The following PTPRD variants were observed in gnomAD, a reference collection of about 807,000 sequenced individuals.
PTPRD encodes protein tyrosine phosphatase receptor type D.
A neutral mutation model predicts 214.5 loss-of-function variants in PTPRD; 34 were observed. That is an observed-to-expected ratio of 0.16 (90% CI 0.12 to 0.21). PTPRD has a LOEUF of 0.21. Among genes scored for constraint, PTPRD ranks in the 10% least tolerant of loss-of-function variants. The pLI, the probability that PTPRD is intolerant of heterozygous loss-of-function variation, is 1.00. For missense variants in PTPRD, 2,545 were observed against 2,398.7 expected, an observed-to-expected ratio of 1.06 and a Z score of -1.27; for synonymous variants, 1,128 against 845.7, an observed-to-expected ratio of 1.33 and a Z score of -5.79.
At chr9:10,203,481 G>C (rs55723104) in intron 3 of PTPRD, among the ~76,000 whole-genome samples, 1 of 152,062 alleles carries the variant, frequency 6.6e-6, no homozygotes, top group African/African-American at 2.4e-5. Context: ...TTTTGAAGCA[G>C]AAACTTGAAT....
At chr9:9,298,704 C>A (rs951275887) in intron 9 of PTPRD, among the ~76,000 whole-genome samples, 23 of 151,582 alleles carry the variant, frequency 1.5e-4, no homozygotes. Context: ...GAAGAAAATT[C>A]CCTTAGCAAT....
chr9:10,611,760 C>G (rs1046408115), intron 2 of PTPRD, among the ~76,000 whole-genome samples: 1 of 152,176 alleles, frequency 6.6e-6, no homozygotes, highest in Admixed American at 6.5e-5. Flanking sequence ...TTCACATTCT[C>G]TCTCCAAATT....
At chr9:9,622,755 G>A (rs2154353842) in intron 7 of PTPRD, among the ~76,000 whole-genome samples, 1 of 152,256 alleles carries the variant, frequency 6.6e-6, no homozygotes. Flanking sequence ...ACCCAACAAT[G>A]GCATACATTT....
chr9:9,519,905 G>C (rs893668081), intron 8 of PTPRD, among the ~76,000 whole-genome samples: 7 of 151,994 alleles, frequency 4.6e-5, no homozygotes, highest in African/African-American at 1.7e-4. Flanking sequence ...CTCCACTGAT[G>C]ATCACATCTT....
Position 9,902,033 on chromosome 9 carries a change from C to T in PTPRD, c.-368+36474G>A, listed in dbSNP as rs115221334. ...ATATGAACTCTTTGAAATCAGACTT[C>T]CTAAAATTTAGCTAATAGGTCTGGT... On this transcript the variant is annotated intron_variant, in intron 5 of 45. Coordinates refer to ENST00000381196, the MANE Select transcript of PTPRD (RefSeq NM_002839.4). Among the ~76,000 whole-genome samples, 680 of 152,286 alleles carry T rather than the reference C, an allele frequency of 4.5e-3. 2 individuals carry two copies. Among genetic ancestry groups the T allele is most frequent in the African/African-American group, 0.015 (636 of 41,554 alleles).
At chr9:8,447,274 T>G (rs1475917969) in intron 34 of PTPRD, among the ~76,000 whole-genome samples, 1 of 152,220 alleles carries the variant, frequency 6.6e-6, no homozygotes, top group Non-Finnish European at 1.5e-5. Flanking sequence ...CTTTATTCCC[T>G]TATTCATTTG....
At chr9:9,020,669 C>G (rs551180292) in intron 10 of PTPRD, among the ~76,000 whole-genome samples, 10 of 152,186 alleles carry the variant, frequency 6.6e-5, no homozygotes, top group South Asian at 2.1e-4. Context: ...ATTTGAAATG[C>G]CTGTGAGACA....
At chr9:9,728,023 T>A (rs1047824107) in intron 7 of PTPRD, among the ~76,000 whole-genome samples, 6 of 152,118 alleles carry the variant, frequency 3.9e-5, no homozygotes, top group Non-Finnish European at 7.4e-5. Flanking sequence ...GGGGGCAGTT[T>A]CCCCCATACA....
At chr9:8,430,605 C>T (rs1373804636) in intron 35 of PTPRD, among the ~76,000 whole-genome samples, 1 of 152,014 alleles carries the variant, frequency 6.6e-6, no homozygotes, top group African/African-American at 2.4e-5. Flanking sequence ...ACAAAGACAT[C>T]ATCAATATCT....
At chr9:9,621,483 C>T (rs2095236182) in intron 7 of PTPRD, among the ~76,000 whole-genome samples, 1 of 152,140 alleles carries the variant, frequency 6.6e-6, no homozygotes, top group Non-Finnish European at 1.5e-5. Flanking sequence ...GAGTCAGACT[C>T]TGGAATAAAT....
intron 3 of PTPRD, among the ~76,000 whole-genome samples, chr9:10,121,363 T>C (rs988663343): frequency 1.3e-5 from 2 of 152,192 alleles, no homozygotes; most frequent in Non-Finnish European, 2.9e-5. Flanking sequence ...TATTTCCTAA[T>C]TACATTTTGC....
chr9:9,301,686 T>C (rs997802467), intron 9 of PTPRD, among the ~76,000 whole-genome samples: 4 of 151,892 alleles, frequency 2.6e-5, no homozygotes, highest in Non-Finnish European at 5.9e-5. Flanking sequence ...CATTGAGAAA[T>C]AGGGATTACT....
At chr9:9,222,406 AG>A (rs756471051) in intron 9 of PTPRD, among the ~76,000 whole-genome samples, 1 of 152,066 alleles carries the variant, frequency 6.6e-6, no homozygotes, top group Non-Finnish European at 1.5e-5. Context: ...TCTAGAACAC[AG>A]GGAGTGCGAC....
At chr9:8,698,692 T>C (rs555972954) in intron 12 of PTPRD, among the ~76,000 whole-genome samples, 1 of 152,182 alleles carries the variant, frequency 6.6e-6, no homozygotes, top group Non-Finnish European at 1.5e-5. Context: ...TGAAACTGCC[T>C]GAAAACTGTC....
chr9:9,712,714 G>A (rs932563495), intron 7 of PTPRD, among the ~76,000 whole-genome samples: 6 of 151,972 alleles, frequency 3.9e-5, no homozygotes, highest in African/African-American at 1.5e-4. Flanking sequence ...TTTATCCATT[G>A]GTCTCAGAAT....
intron 3 of PTPRD, among the ~76,000 whole-genome samples, chr9:10,081,002 A>G (rs1390431048): frequency 6.6e-6 from 1 of 152,104 alleles, no homozygotes; most frequent in East Asian, 1.9e-4. Context: ...ACATCATTTG[A>G]GTAAATTATA....
intron 9 of PTPRD, among the ~76,000 whole-genome samples, chr9:9,265,759 T>A (rs1939194714): frequency 1.3e-5 from 2 of 148,668 alleles, no homozygotes; most frequent in African/African-American, 2.5e-5. Flanking sequence ...CTACAAAAAA[T>A]TATCTAATCA....
At chr9:9,056,384 C>G (rs970943030) in intron 10 of PTPRD, among the ~76,000 whole-genome samples, 4 of 152,140 alleles carry the variant, frequency 2.6e-5, no homozygotes, top group Non-Finnish European at 5.9e-5. Context: ...TATGCTTGAC[C>G]TAGATGATCA....
chr9:10,372,343 C>A (rs753626400), intron 2 of PTPRD, among the ~76,000 whole-genome samples: 1 of 151,884 alleles, frequency 6.6e-6, no homozygotes, highest in Non-Finnish European at 1.5e-5. Context: ...GTAAAAGTGC[C>A]ACATGCCTTT....
Sources: gnomAD v4.1 joint callset for allele counts (sites outside exome capture counted in the v4.1 genomes callset) on GRCh38, gnomAD v4.1.1 for gene constraint, MANE v1.5 for transcripts, NCBI Gene and HGNC (gene_info 2026-07-23, HGNC 2026-07-21) for gene names.